OR3A2: variants seen among roughly 807,000 people sequenced by gnomAD.
OR3A2 encodes the protein olfactory receptor 3A2.
For missense variants in OR3A2, 318 were observed against 392.8 expected (o/e 0.81, Z 1.61); for synonymous variants, 126 against 159.3 (o/e 0.79, Z 1.57).
Position 3,356,243 on chromosome 17 carries a change from G to C in OR3A2, c.-178-20117C>G, listed in dbSNP as rs181714293. ...TTATTTTTTATTGGTTCATCATTTA[G>C]TCTTTCTATTTGAGTAGTTTACACA... On this transcript the variant is annotated intron_variant, in intron 2 of 4. Coordinates refer to the OR3A2 transcript ENST00000573491. Among the ~76,000 whole-genome samples the C allele has an allele frequency of 8.6e-5, 13 of 151,528 alleles. No individual in the cohort carries two copies. In the East Asian group the frequency reaches 2.5e-3, roughly 29 times the overall value.
At chr17:3,317,860 T>G (rs988629287) in intron 3 of OR3A2, among the ~76,000 whole-genome samples, 1 of 152,090 alleles carries the variant, frequency 6.6e-6, no homozygotes, top group Non-Finnish European at 1.5e-5. Flanking sequence ...CTATGCCCTT[T>G]GTACCACACT....
intron 3 of OR3A2, among the ~76,000 whole-genome samples, chr17:3,295,016 AG>A (rs1213447621): frequency 6.6e-6 from 1 of 152,160 alleles, no homozygotes; most frequent in Non-Finnish European, 1.5e-5. Flanking sequence ...AAAGAAAAAT[AG>A]GAACTCTGCA....
chr17:3,290,254 A>G (rs1390260766), intron 3 of OR3A2, among the ~76,000 whole-genome samples: 1 of 152,256 alleles, frequency 6.6e-6, no homozygotes. Context: ...TGTGTGACCC[A>G]CTTATTTTAT....
chr17:3,380,689 C>A (rs1384512996), intron 2 of OR3A2, among the ~76,000 whole-genome samples: 1 of 152,100 alleles, frequency 6.6e-6, no homozygotes, highest in Non-Finnish European at 1.5e-5. Flanking sequence ...AGGACTAAGA[C>A]TGTGGTTAAA....
chr17:3,293,034 C>T (rs2048889749), intron 3 of OR3A2, among the ~76,000 whole-genome samples: 1 of 151,892 alleles, frequency 6.6e-6, no homozygotes, highest in Non-Finnish European at 1.5e-5. Context: ...GTGTCCACAA[C>T]CCCAATCCAT....
chr17:3,379,742 G>A (rs1597366502), intron 2 of OR3A2, among the ~76,000 whole-genome samples: 1 of 152,172 alleles, frequency 6.6e-6, no homozygotes, highest in African/African-American at 2.4e-5. Context: ...AAACCAGGGA[G>A]AAGAGGCCAG....
intron 3 of OR3A2, among the ~76,000 whole-genome samples, chr17:3,324,155 A>C (rs1296646555): frequency 4.6e-5 from 7 of 152,090 alleles, no homozygotes; most frequent in African/African-American, 9.7e-5. Flanking sequence ...CGCATCGGCT[A>C]CTGAGGCTTC....
At chr17:3,345,263 G>C (rs1024795873) in intron 2 of OR3A2, among the ~76,000 whole-genome samples, 5 of 152,132 alleles carry the variant, frequency 3.3e-5, no homozygotes, top group Non-Finnish European at 5.9e-5. Flanking sequence ...TACTAATAGA[G>C]GTCAACCAAG....
chr17:3,364,244 T>C (rs1264019882), intron 2 of OR3A2, among the ~76,000 whole-genome samples: 1 of 152,236 alleles, frequency 6.6e-6, no homozygotes, highest in African/African-American at 2.4e-5. Flanking sequence ...AGATAATAAT[T>C]CTATTTATGG....
At chr17:3,322,490 C>T (rs144361899) in intron 3 of OR3A2, among the ~76,000 whole-genome samples, 1 of 152,136 alleles carries the variant, frequency 6.6e-6, no homozygotes, top group Admixed American at 6.5e-5. Context: ...ATCTTTCCTG[C>T]TTTCTCTTGT....
intron 3 of OR3A2, among the ~76,000 whole-genome samples, chr17:3,316,342 C>T (rs1296944509): frequency 2.0e-5 from 3 of 152,134 alleles, no homozygotes; most frequent in African/African-American, 4.8e-5. Context: ...AGTACATCCA[C>T]GATCCATGTG....
exon 2 of OR3A2, chr17:3,277,717 T>A (rs1358534142): frequency 2.3e-6 from 1 of 437,274 alleles, no homozygotes; most frequent in Non-Finnish European, 4.0e-6. Context: ...GTGAGTTGCA[T>A]GAGTGCAGAG....
At chr17:3,337,257 A>G (rs1252137744) in intron 2 of OR3A2, among the ~76,000 whole-genome samples, 1 of 152,078 alleles carries the variant, frequency 6.6e-6, no homozygotes, top group Non-Finnish European at 1.5e-5. Context: ...CGTTCTCCAG[A>G]ACTTCTTCAT....
At chr17:3,302,466 C>A (rs554851871) in intron 3 of OR3A2, among the ~76,000 whole-genome samples, 1 of 152,144 alleles carries the variant, frequency 6.6e-6, no homozygotes, top group Non-Finnish European at 1.5e-5. Flanking sequence ...TGATCTTTGA[C>A]AAACCTGACA....
chr17:3,366,633 T>C (rs2049566536), intron 2 of OR3A2, among the ~76,000 whole-genome samples: 1 of 152,254 alleles, frequency 6.6e-6, no homozygotes, highest in African/African-American at 2.4e-5. Flanking sequence ...TGGAGATTTA[T>C]GATTTTCCAA....
At chr17:3,348,363 G>A (rs1030429048) in intron 2 of OR3A2, among the ~76,000 whole-genome samples, 11 of 152,000 alleles carry the variant, frequency 7.2e-5, no homozygotes, top group African/African-American at 1.9e-4. Flanking sequence ...TTCTTCTAGG[G>A]TTTTCATGGT....
upstream of OR3A2, among the ~76,000 whole-genome samples, chr17:3,288,266 G>GAAAAAAAAAAAAAAAAAAAAA (rs2048833668): frequency 1.3e-5 from 1 of 75,380 alleles, no homozygotes; most frequent in Non-Finnish European, 2.9e-5. Flanking sequence ...AAAAAAAAAA[G>GAAAAAAAAAAAAAAAAAAAAA]ACAAAAAAAG....
intron 3 of OR3A2, among the ~76,000 whole-genome samples, chr17:3,331,170 G>A (rs891084432): frequency 9.9e-5 from 15 of 151,910 alleles, no homozygotes; most frequent in African/African-American, 2.7e-4. Context: ...GTTCAACTTC[G>A]GTGAATCTGA....
At chr17:3,321,468 G>T (rs2049121609) in intron 3 of OR3A2, among the ~76,000 whole-genome samples, 1 of 151,510 alleles carries the variant, frequency 6.6e-6, no homozygotes, top group Non-Finnish European at 1.5e-5. Flanking sequence ...AGTTTTCAAA[G>T]GGAATGCTTC....
Sources: allele counts gnomAD v4.1 joint callset (sites outside exome capture counted in the v4.1 genomes callset), GRCh38; gene constraint gnomAD v4.1.1; transcripts MANE v1.5; gene names NCBI Gene and HGNC (gene_info 2026-07-23, HGNC 2026-07-21).